The following PLCG2 variants were observed in gnomAD, a reference collection of about 807,000 sequenced individuals.
PLCG2 encodes 1-phosphatidylinositol 4,5-bisphosphate phosphodiesterase gamma-2.
A neutral mutation model predicts 175.6 loss-of-function variants in PLCG2; 69 were observed. The ratio of observed to expected loss-of-function variants is 0.39; its 90% CI spans 0.32 to 0.48. PLCG2 has a LOEUF of 0.48. Among genes scored for constraint, PLCG2 ranks in the 20% least tolerant of loss-of-function variants. The pLI is 0.91. For missense variants in PLCG2, 1,798 were observed against 1,650.9 expected (o/e 1.09, Z -1.54); for synonymous variants, 827 against 624.0 (o/e 1.33, Z -4.85).
intron 13 of PLCG2, among the ~76,000 whole-genome samples, chr16:81,899,213 AAAAT>A (rs1032932996): frequency 2.0e-5 from 3 of 151,802 alleles, no homozygotes; most frequent in Non-Finnish European, 4.4e-5. Flanking sequence ...TAAATAAAAT[AAAAT>A]AAATAAATAC....
intron 8 of PLCG2, among the ~76,000 whole-genome samples, chr16:81,882,414 G>A (rs1016257455): frequency 6.6e-6 from 1 of 152,054 alleles, no homozygotes; most frequent in South Asian, 2.1e-4. Flanking sequence ...GCCTCATGTG[G>A]CTCCCACTCC....
At chr16:81,783,145 A>G (rs755759935) in intron 1 of PLCG2, 2 of 491,692 alleles carry the variant, frequency 4.1e-6, no homozygotes, top group Non-Finnish European at 8.1e-6. Flanking sequence ...AAGGTGTTAT[A>G]ATGGGGCTTG....
At chr16:81,818,870 T>A (rs892214924) in intron 2 of PLCG2, among the ~76,000 whole-genome samples, 2 of 139,758 alleles carry the variant, frequency 1.4e-5, no homozygotes, top group African/African-American at 5.3e-5. Flanking sequence ...CATAAGCTAG[T>A]GTGGGCTCAT....
chr16:81,787,396 T>TTTTTTTTTTA (rs1911022493), intron 2 of PLCG2, among the ~76,000 whole-genome samples: 1 of 133,262 alleles, frequency 7.5e-6, no homozygotes, highest in Non-Finnish European at 1.6e-5. Context: ...TAATTTAATT[T>TTTTTTTTTTA]TTTTTTTTTT....
In PLCG2 at chr16:81,959,380, G is replaced by A. The variant is rs535642542; in HGVS notation, c.*1382G>A. Reference sequence around the variant, plus strand: ...AGGCTCTGACCAGAAGATCCTTCTGGTCCCTTCACTCTACAAAAACTTACT... The same window carrying A: ...AGGCTCTGACCAGAAGATCCTTCTGATCCCTTCACTCTACAAAAACTTACT... On this transcript the variant is annotated 3_prime_UTR_variant, in exon 33 of 33. Transcript: ENST00000564138. 4.5e-6 allele frequency: 1 copy of A among 222,010 alleles called. No homozygotes were observed. Among genetic ancestry groups the A allele is most frequent in the African/African-American group, 2.2e-5 (1 of 44,820 alleles). 13.8% of individuals were successfully genotyped at this position (222,010 alleles called of 1,614,324 possible). A position where few individuals can be genotyped will look rare whatever the true frequency, so the allele number is the denominator to read the frequency against.
intron 2 of PLCG2, among the ~76,000 whole-genome samples, chr16:81,804,306 C>G (rs1296070243): frequency 6.6e-6 from 1 of 152,206 alleles, no homozygotes; most frequent in East Asian, 1.9e-4. Context: ...TTGCTCATTG[C>G]TCTATCTTAA....
chr16:81,815,839 T>C (rs1242432555), intron 2 of PLCG2, among the ~76,000 whole-genome samples: 6 of 152,116 alleles, frequency 3.9e-5, no homozygotes, highest in Non-Finnish European at 8.8e-5. Context: ...GGTGGGCGGA[T>C]CACTTGAGGT....
chr16:81,914,338 G>A (rs1473627550), intron 19 of PLCG2, among the ~76,000 whole-genome samples: 2 of 152,214 alleles, frequency 1.3e-5, no homozygotes, highest in African/African-American at 4.8e-5. Context: ...GTCTCAGGTG[G>A]CTGTACCTTG....
At chr16:81,750,648 G>T (rs114345867) in intron 1 of PLCG2, among the ~76,000 whole-genome samples, 2,076 of 135,110 alleles carry the variant, frequency 0.015, 61 homozygotes, top group African/African-American at 0.055. Flanking sequence ...TTAAAAAGCA[G>T]AATGGGGACT....
intron 9 of PLCG2, among the ~76,000 whole-genome samples, chr16:81,884,005 T>C (rs1232757552): frequency 2.6e-5 from 4 of 152,222 alleles, no homozygotes; most frequent in Non-Finnish European, 5.9e-5. Context: ...ACACCAGGGA[T>C]GTTCCTAAAT....
rs1911202306 is a variant in PLCG2 at position 81,790,906 on chromosome 16, G to A, written c.193+4724G>A. ...CTGTTAAATGTTCTGTAGTGCACAG[G>A]ACAGTCCGCACCACAGAGAGTGATC... is the stretch of plus-strand genomic sequence containing the variant. On this transcript the variant is annotated intron_variant, in intron 2 of 32. Coordinates refer to ENST00000564138, the MANE Select transcript of PLCG2 (RefSeq NM_002661.5). Among the ~76,000 whole-genome samples the A allele has an allele frequency of 2.6e-5, 4 of 152,152 alleles. 1 individual carries two copies. In the South Asian group the frequency reaches 8.3e-4, roughly 32 times the overall value.
intron 2 of PLCG2, among the ~76,000 whole-genome samples, chr16:81,805,620 AC>A (rs1911969487): frequency 6.6e-6 from 1 of 151,482 alleles, no homozygotes; most frequent in African/African-American, 2.4e-5. Flanking sequence ...GATGCCTCAC[AC>A]CCCCTTCCCC....
chr16:81,790,678 A>C (rs1041223125), intron 2 of PLCG2, among the ~76,000 whole-genome samples: 3 of 152,196 alleles, frequency 2.0e-5, no homozygotes, highest in African/African-American at 7.2e-5. Context: ...ACTTTTGGAC[A>C]GGTGTTACAA....
At chr16:81,770,277 C>A (rs147992741) in intron 2 of PLCG2, among the ~76,000 whole-genome samples, 2 of 152,180 alleles carry the variant, frequency 1.3e-5, no homozygotes, top group African/African-American at 4.8e-5. Context: ...CAAGGGCAAC[C>A]GTTCTGACTA....
At chr16:81,829,409 A>G (rs1905172450) in intron 2 of PLCG2, among the ~76,000 whole-genome samples, 1 of 152,022 alleles carries the variant, frequency 6.6e-6, no homozygotes. Context: ...GTGCCTAGCC[A>G]GTTTCACCAT....
intron 2 of PLCG2, among the ~76,000 whole-genome samples, chr16:81,829,613 T>C (rs55901360): frequency 0.088 from 13,405 of 152,320 alleles, 675 homozygotes; most frequent in Middle Eastern, 0.14. Flanking sequence ...ATTTGGACTT[T>C]AACAGTTTCT....
At position 81,953,908 on chromosome 16, in the gene PLCG2, C is replaced by T. The variant is rs564186753; in HGVS notation, c.3571-2787C>T. 7.9e-4 allele frequency among the ~76,000 whole-genome samples: 120 copies of T among 152,100 alleles called. 1 individual carries two copies. The highest frequency in any genetic ancestry group is 1.5e-3 in the South Asian group (7 of 4,808). ...AAAAGGTGAATTTTGAACTTGCGCC[C>T]GAATAACAAATACCCATTATATAGA... On this transcript the variant is annotated intron_variant, in intron 31 of 32. Transcript: ENST00000564138.
At chr16:81,895,197 C>T (rs914697147) in intron 12 of PLCG2, among the ~76,000 whole-genome samples, 5 of 152,162 alleles carry the variant, frequency 3.3e-5, no homozygotes, top group African/African-American at 9.7e-5. Context: ...TTTCCACGGG[C>T]AGAAAAGGCA....
At chr16:81,887,049 A>G (rs1425140299) in intron 9 of PLCG2, among the ~76,000 whole-genome samples, 2 of 152,114 alleles carry the variant, frequency 1.3e-5, no homozygotes, top group Non-Finnish European at 2.9e-5. Context: ...TGATAAATGC[A>G]AAAACTTTGT....
Sources: gnomAD v4.1 joint callset for allele counts (sites outside exome capture counted in the v4.1 genomes callset) on GRCh38, gnomAD v4.1.1 for gene constraint, MANE v1.5 for transcripts, NCBI Gene and HGNC (gene_info 2026-07-23, HGNC 2026-07-21) for gene names.